Variants in CCDC102B observed in about 807,000 individuals in gnomAD.
CCDC102B encodes the protein coiled-coil domain-containing protein 102B.
Under a neutral mutation model 57.4 loss-of-function variants are expected in CCDC102B, and 75 were observed. The observed-to-expected ratio is 1.31, with a 90% CI of 1.08 to 1.58. The LOEUF (loss-of-function observed/expected upper bound fraction) is 1.58, where lower values mean the gene tolerates loss of function less well. CCDC102B is among the 40% of genes most tolerant of loss of function. The pLI is 0.00. For synonymous variants in CCDC102B, 206 were observed against 201.9 expected, an observed-to-expected ratio of 1.02 and a Z score of -0.17; for missense variants, 636 against 582.6, an observed-to-expected ratio of 1.09 and a Z score of -0.94.
At chr18:68,895,582 T>A (rs556907868) in intron 5 of CCDC102B, among the ~76,000 whole-genome samples, 89 of 151,852 alleles carry the variant, frequency 5.9e-4, no homozygotes, top group Non-Finnish European at 1.1e-3. Context: ...TAATTTAGAA[T>A]TTTTATCCTT....
rs770470803 is a variant in CCDC102B at position 68,765,317 on chromosome 18, G to GAAAGA, written c.-67+48725_-67+48726insAGAAA. 3.0e-3 allele frequency among the ~76,000 whole-genome samples: 137 copies of GAAAGA among 45,672 alleles called. 2 individuals carry two copies. Among genetic ancestry groups the GAAAGA allele is most frequent in the African/African-American group, 0.01 (131 of 12,890 alleles). 30.0% of individuals were successfully genotyped at this position (45,672 alleles called of 152,430 possible). A position where few individuals can be genotyped will look rare whatever the true frequency, so the allele number is the denominator to read the frequency against. On this transcript the variant is annotated intron_variant, in intron 2 of 3. Transcript: ENST00000578970. The stretch of plus-strand genomic sequence containing the variant: ...GAAAGGAAGGAAGGAAGGAAGGAAG[G>GAAAGA]AAGGAAGGAAAGAAAGAAAGAAAGA...
At chr18:68,791,004 AAAAC>A (rs1302687812) in intron 2 of CCDC102B, among the ~76,000 whole-genome samples, 3 of 152,240 alleles carry the variant, frequency 2.0e-5, no homozygotes, top group Non-Finnish European at 4.4e-5. Flanking sequence ...AGATTAGCAA[AAAAC>A]AATAAACTTT....
At chr18:69,057,302 A>G (rs1169221543), downstream of CCDC102B, among the ~76,000 whole-genome samples, 2 of 152,052 alleles carry the variant, frequency 1.3e-5, no homozygotes, top group East Asian at 3.9e-4. Flanking sequence ...GTTGCTTACT[A>G]CTGTTCTGTT....
intron 4 of CCDC102B, among the ~76,000 whole-genome samples, chr18:68,855,197 G>C (rs1339266260): frequency 1.3e-5 from 2 of 152,138 alleles, no homozygotes; most frequent in Non-Finnish European, 2.9e-5. Flanking sequence ...AGAGTTTGAG[G>C]TTAGGAAATT....
chr18:68,811,660 AG>A lies in CCDC102B; in HGVS notation c.-16+13481del, dbSNP rs563083568. Among the ~76,000 whole-genome samples the A allele has an allele frequency of 1.9e-3, 282 of 152,248 alleles. 1 individual carries two copies. The highest frequency in any genetic ancestry group is 6.4e-3 in the African/African-American group (266 of 41,556). On this transcript the variant is annotated intron_variant, in intron 1 of 7. Coordinates refer to ENST00000360242, the MANE Select transcript of CCDC102B (RefSeq NM_024781.3). The stretch of plus-strand genomic sequence containing the variant: ...ACATAAGAAAGTCAACAATTTAGGC[AG>A]GCAGAAGGGTCTTTAAGAAAGAGGG...
At chr18:68,775,697 A>G (rs1041717297) in intron 2 of CCDC102B, among the ~76,000 whole-genome samples, 14 of 130,622 alleles carry the variant, frequency 1.1e-4, no homozygotes, top group Non-Finnish European at 1.8e-4. Flanking sequence ...CTCTGTCGCC[A>G]GGCTGGAGTG....
intron 2 of CCDC102B, among the ~76,000 whole-genome samples, chr18:68,734,277 C>A (rs2033027984): frequency 6.6e-6 from 1 of 152,166 alleles, no homozygotes; most frequent in South Asian, 2.1e-4. Context: ...ATACCTAGCT[C>A]TGAAAAGACA....
intron 6 of CCDC102B, among the ~76,000 whole-genome samples, chr18:69,005,804 A>T (rs912950780): frequency 4.0e-5 from 6 of 151,432 alleles, no homozygotes; most frequent in African/African-American, 1.5e-4. Context: ...CTCTATTAAA[A>T]TATGTATATA....
chr18:68,716,091 TTTTC>T (rs1235381056), intron 1 of CCDC102B, among the ~76,000 whole-genome samples: 7 of 151,912 alleles, frequency 4.6e-5, no homozygotes, highest in Non-Finnish European at 8.8e-5. Flanking sequence ...CAGATTCAAT[TTTTC>T]TTTTTCTTTC....
intron 1 of CCDC102B, among the ~76,000 whole-genome samples, chr18:68,812,111 G>A (rs943388963): frequency 2.5e-4 from 38 of 151,934 alleles, no homozygotes; most frequent in South Asian, 2.1e-4. Context: ...ACGTTCTATT[G>A]TTGAAATAAA....
At chr18:68,931,388 A>G (rs1011031174) in intron 6 of CCDC102B, among the ~76,000 whole-genome samples, 4 of 152,004 alleles carry the variant, frequency 2.6e-5, no homozygotes, top group East Asian at 1.9e-4. Flanking sequence ...GTACGTTCAT[A>G]TAGCAATCTA....
In CCDC102B at chr18:68,967,445, T is replaced by C. The variant is rs939063459; in HGVS notation, c.1264-43489T>C. ...AGCACAAATTCACTATAAGATTTAA[T>C]AAATTGGTAAAAAATCATAATTATA... On this transcript the variant is annotated intron_variant, in intron 6 of 7. Coordinates refer to ENST00000360242, the MANE Select transcript of CCDC102B (RefSeq NM_024781.3). Among the ~76,000 whole-genome samples, 5 of 144,970 alleles carry C rather than the reference T, an allele frequency of 3.4e-5. No homozygotes were observed. The Admixed American group carries it at 3.5e-4, about 10-fold the overall frequency.
chr18:68,782,320 A>G (rs2035032385), intron 2 of CCDC102B, among the ~76,000 whole-genome samples: 1 of 152,056 alleles, frequency 6.6e-6, no homozygotes, highest in Admixed American at 6.6e-5. Flanking sequence ...TAGGAATATA[A>G]TGAAATAAAA....
chr18:68,931,963 C>G (rs536442272), intron 6 of CCDC102B, among the ~76,000 whole-genome samples: 31 of 144,636 alleles, frequency 2.1e-4, no homozygotes, highest in African/African-American at 7.0e-4. Context: ...AGTGGGTATT[C>G]TATACACAAA....
At chr18:68,721,944 A>G (rs1043351282) in intron 2 of CCDC102B, among the ~76,000 whole-genome samples, 2 of 152,200 alleles carry the variant, frequency 1.3e-5, no homozygotes, top group African/African-American at 2.4e-5. Flanking sequence ...TGAGCCAGCT[A>G]AGCCTGAGGT....
chr18:69,006,992 G>A (rs538650442), intron 6 of CCDC102B, among the ~76,000 whole-genome samples: 133 of 152,190 alleles, frequency 8.7e-4, no homozygotes, highest in South Asian at 1.7e-3. Flanking sequence ...TCTCTAACAC[G>A]GGATTGTCAC....
In CCDC102B at chr18:69,054,829, G is replaced by T. The variant is rs1212903777; in HGVS notation, c.*692G>T. On this transcript the variant is annotated 3_prime_UTR_variant, in exon 8 of 8. Transcript: ENST00000360242. ...ATTTCTACAGTAAAATCATGGAAAG[G>T]CATCAGCATTGCAAAGTAGCATCTA... 13 of 985,132 alleles carry T rather than the reference G, an allele frequency of 1.3e-5. No homozygotes were observed. Among genetic ancestry groups the T allele is most frequent in the Non-Finnish European group, 8.4e-6 (7 of 829,890 alleles). 61.0% of individuals were successfully genotyped at this position (985,132 alleles called of 1,614,324 possible).
At chr18:68,758,681 A>G (rs964569246) in intron 2 of CCDC102B, among the ~76,000 whole-genome samples, 2 of 151,366 alleles carry the variant, frequency 1.3e-5, no homozygotes, top group East Asian at 1.9e-4. Context: ...CATGATATCT[A>G]TAGTTTTAAA....
Position 68,988,354 on chromosome 18 carries a change from G to A in CCDC102B, c.1264-22580G>A, listed in dbSNP as rs138266026. 1.1e-3 allele frequency among the ~76,000 whole-genome samples: 170 copies of A among 152,112 alleles called. 1 individual carries two copies. Among genetic ancestry groups the A allele is most frequent in the South Asian group, 2.1e-3 (10 of 4,810 alleles). On this transcript the variant is annotated intron_variant, in intron 6 of 7. Coordinates refer to ENST00000360242, the MANE Select transcript of CCDC102B (RefSeq NM_024781.3). Reference sequence around the variant, plus strand: ...TGGGAGATAAACTTTGAGCACACCCGGACACAAAGATTGGAACAACAGAAT... The same window carrying A: ...TGGGAGATAAACTTTGAGCACACCCAGACACAAAGATTGGAACAACAGAAT...
Sources: allele counts gnomAD v4.1 joint callset (sites outside exome capture counted in the v4.1 genomes callset), GRCh38; gene constraint gnomAD v4.1.1; transcripts MANE v1.5; gene names NCBI Gene and HGNC (gene_info 2026-07-23, HGNC 2026-07-21).